Variants in CPXM2 observed in about 807,000 individuals in gnomAD.
CPXM2 encodes the protein inactive carboxypeptidase-like protein X2.
In CPXM2, 66 loss-of-function variants were observed where a neutral mutation model predicts 86.1. That is an observed-to-expected ratio of 0.77 (90% CI 0.63 to 0.94). CPXM2 has a LOEUF of 0.94. Among genes scored for constraint, CPXM2 ranks in the 40% least tolerant of loss-of-function variants. The pLI, the probability that CPXM2 is intolerant of heterozygous loss-of-function variation, is 0.00. For missense variants in CPXM2, 948 were observed against 1,026.3 expected (o/e 0.92, Z 1.04); for synonymous variants, 388 against 400.2 (o/e 0.97, Z 0.36).
At chr10:123,934,753 G>A (rs79139301) in intron 2 of CPXM2, among the ~76,000 whole-genome samples, 11,199 of 152,134 alleles carry the variant, frequency 0.074, 734 homozygotes, top group East Asian at 0.37. Flanking sequence ...CCCACGTAGA[G>A]GGTGTGCAGG....
At chr10:123,897,488 A>G (rs932557844) in intron 2 of CPXM2, among the ~76,000 whole-genome samples, 7 of 152,216 alleles carry the variant, frequency 4.6e-5, no homozygotes, top group South Asian at 2.1e-4. Context: ...CACTCATGTT[A>G]CAGTCTCAAG....
chr10:123,762,862 C>T (rs1846377576), intron 10 of CPXM2, among the ~76,000 whole-genome samples: 2 of 152,148 alleles, frequency 1.3e-5, no homozygotes, highest in African/African-American at 4.8e-5. Context: ...TGACAAAGAA[C>T]AGATATTGGA....
intron 2 of CPXM2, among the ~76,000 whole-genome samples, chr10:123,875,795 T>C (rs1259198431): frequency 2.5e-5 from 3 of 119,846 alleles, no homozygotes; most frequent in African/African-American, 8.2e-5. Flanking sequence ...ATCATGTTTC[T>C]TTCTTTTCTT....
intron 4 of CPXM2, among the ~76,000 whole-genome samples, chr10:123,819,196 A>G (rs1268213561): frequency 1.3e-5 from 2 of 152,204 alleles, no homozygotes; most frequent in African/African-American, 4.8e-5. Flanking sequence ...CAAAGGAAAT[A>G]AGGGAGAGTA....
chr10:123,905,418 T>A (rs1169365940), intron 2 of CPXM2, among the ~76,000 whole-genome samples: 1 of 152,088 alleles, frequency 6.6e-6, no homozygotes, highest in Non-Finnish European at 1.5e-5. Context: ...GATGCCACTC[T>A]CTTTGCCTGA....
chr10:123,863,765 G>A (rs551693482), intron 2 of CPXM2, among the ~76,000 whole-genome samples: 2 of 152,260 alleles, frequency 1.3e-5, no homozygotes, highest in East Asian at 1.9e-4. Flanking sequence ...TGGCACCTCC[G>A]CAGCTTGGCC....
At chr10:123,823,198 T>C (rs747513352) in intron 4 of CPXM2, among the ~76,000 whole-genome samples, 9 of 152,254 alleles carry the variant, frequency 5.9e-5, no homozygotes, top group Non-Finnish European at 8.8e-5. Flanking sequence ...CAGAGAGCTG[T>C]AGGAGCTAAG....
At chr10:123,895,255 C>T (rs1006473584), upstream of CPXM2, among the ~76,000 whole-genome samples, 15 of 151,242 alleles carry the variant, frequency 9.9e-5, no homozygotes, top group Non-Finnish European at 1.3e-4. Flanking sequence ...TCCCAAGTAG[C>T]TGGGATTACA....
At chr10:123,878,525 G>A (rs532480707) in intron 2 of CPXM2, among the ~76,000 whole-genome samples, 2,992 of 148,320 alleles carry the variant, frequency 0.02, 34 homozygotes, top group Non-Finnish European at 0.031. Context: ...GTGTGTGTGT[G>A]TGTGTGTGTG....
Position 123,842,381 on chromosome 10 carries a change from A to G in CPXM2, c.621T>C (p.Gly207=). ...GGGAGTTCCTCCCTTGAGTGATGAC[A>G]CCAGTGAATCTGGTCAGGCGCCGAG... is the stretch of plus-strand genomic sequence containing the variant. ...VDARRLTRFT[G]VITQGRNSLW... Residue 207 remains glycine, a synonymous_variant, in exon 4 of 14, where the codon GGT becomes GGC. Transcript: ENST00000241305. 3 of 1,614,260 alleles carry G rather than the reference A, an allele frequency of 1.9e-6. No individual in the cohort carries two copies. In the South Asian group the frequency reaches 3.3e-5, roughly 18 times the overall value.
chr10:123,857,316 G>A (rs17106124), intron 3 of CPXM2, among the ~76,000 whole-genome samples: 17,439 of 151,918 alleles, frequency 0.11, 1,274 homozygotes, highest in East Asian at 0.33. Flanking sequence ...GTAGTAACAC[G>A]GCAAATGTAT....
intron 4 of CPXM2, among the ~76,000 whole-genome samples, chr10:123,810,864 A>G (rs1847675801): frequency 6.6e-6 from 1 of 152,116 alleles, no homozygotes; most frequent in Non-Finnish European, 1.5e-5. Context: ...AAAAAGAAAC[A>G]GTAGAGTATT....
At chr10:123,855,897 G>A (rs1007660095) in intron 3 of CPXM2, among the ~76,000 whole-genome samples, 5 of 152,130 alleles carry the variant, frequency 3.3e-5, no homozygotes, top group African/African-American at 1.2e-4. Flanking sequence ...TATTATTATG[G>A]CCAGACGTTT....
At chr10:123,867,068 A>G (rs533516486) in intron 2 of CPXM2, among the ~76,000 whole-genome samples, 1 of 152,194 alleles carries the variant, frequency 6.6e-6, no homozygotes, top group Non-Finnish European at 1.5e-5. Context: ...ATAAAACTAC[A>G]CACTGAGCCA....
At position 123,891,204 on chromosome 10, in the gene CPXM2, C is replaced by G; in HGVS notation, c.304+152G>C. On this transcript the variant is annotated intron_variant, in intron 1 of 13. Transcript: ENST00000241305. This position sits in a 1 kb window ranked among gnomAD's most constrained non-coding sequence, Gnocchi z 5.6. Reference sequence around the variant, plus strand: ...AAGCTGGGCGGGCCGGCAGGAAGCGCAGATACAGTCCCTAGGGAGGCAGAG... The same window carrying G: ...AAGCTGGGCGGGCCGGCAGGAAGCGGAGATACAGTCCCTAGGGAGGCAGAG... 2 of 629,324 alleles carry G rather than the reference C, an allele frequency of 3.2e-6. No homozygotes were observed. Among genetic ancestry groups the G allele is most frequent in the Non-Finnish European group, 5.2e-6 (2 of 386,334 alleles). The allele number at this position is 629,324 out of a possible 1,614,324, so 39.0% of individuals were successfully genotyped here. A position where few individuals can be genotyped will look rare whatever the true frequency, so the allele number is the denominator to read the frequency against.
chr10:123,778,119 C>CA (rs1010786453), intron 7 of CPXM2, among the ~76,000 whole-genome samples: 14 of 152,100 alleles, frequency 9.2e-5, no homozygotes, highest in South Asian at 2.1e-4. Context: ...GTGCTCTCTG[C>CA]AAAAAAAGTC....
chr10:123,772,053 C>T (rs1267709049), intron 7 of CPXM2, among the ~76,000 whole-genome samples: 1 of 152,026 alleles, frequency 6.6e-6, no homozygotes, highest in Admixed American at 6.5e-5. Flanking sequence ...CTGGTTGTGG[C>T]TATCACATAC....
At chr10:123,876,258 C>T (rs1398092668) in intron 2 of CPXM2, among the ~76,000 whole-genome samples, 1 of 152,198 alleles carries the variant, frequency 6.6e-6, no homozygotes, top group Admixed American at 6.5e-5. Flanking sequence ...ATGATGCTGG[C>T]TCTACCACAA....
At chr10:123,792,337 G>A (rs2134054612) in intron 6 of CPXM2, among the ~76,000 whole-genome samples, 1 of 152,298 alleles carries the variant, frequency 6.6e-6, no homozygotes, top group Admixed American at 6.5e-5. Flanking sequence ...ATCAGGAATG[G>A]AGGGGCTGCT....
Sources: gnomAD v4.1 joint callset for allele counts (sites outside exome capture counted in the v4.1 genomes callset) on GRCh38, gnomAD v4.1.1 for gene constraint, Gnocchi (gnomAD v3.1) non-coding constraint, MANE v1.5 for transcripts, NCBI Gene and HGNC (gene_info 2026-07-23, HGNC 2026-07-21) for gene names.